WWOX: variants seen among roughly 807,000 people sequenced by gnomAD.
The protein encoded by WWOX is WW domain containing oxidoreductase.
In WWOX, 69 loss-of-function variants were observed where a neutral mutation model predicts 46.2. The observed-to-expected ratio is 1.49, with a 90% CI of 1.23 to 1.82. WWOX has a LOEUF of 1.82. Ranked by LOEUF, WWOX falls within the 40% of genes most tolerant of loss-of-function variation. The pLI is 0.00. For missense variants in WWOX, 919 were observed against 542.6 expected (o/e 1.69, Z -6.89); for synonymous variants, 359 against 202.6 (o/e 1.77, Z -6.56).
intron 6 of WWOX, among the ~76,000 whole-genome samples, chr16:78,394,935 C>G (rs1235255682): frequency 6.6e-6 from 1 of 152,174 alleles, no homozygotes; most frequent in Non-Finnish European, 1.5e-5. Flanking sequence ...TACTGAAAAT[C>G]TCTCAGCGTC....
At chr16:78,845,183 T>TAAA (rs377162463) in intron 8 of WWOX, among the ~76,000 whole-genome samples, 1 of 141,976 alleles carries the variant, frequency 7.0e-6, no homozygotes, top group Non-Finnish European at 1.5e-5. Flanking sequence ...GGACTGGTCT[T>TAAA]AAAAAAAAAA....
At chr16:79,208,977 A>G (rs2051617865) in intron 8 of WWOX, among the ~76,000 whole-genome samples, 1 of 152,206 alleles carries the variant, frequency 6.6e-6, no homozygotes, top group South Asian at 2.1e-4. Context: ...AGAATTTGCC[A>G]AAGGTGGACG....
At chr16:78,607,206 T>C (rs1408328754) in intron 8 of WWOX, among the ~76,000 whole-genome samples, 1 of 152,194 alleles carries the variant, frequency 6.6e-6, no homozygotes, top group Non-Finnish European at 1.5e-5. Flanking sequence ...CATATTTTAT[T>C]ATAAAAACAT....
At chr16:78,977,760 C>A (rs2046602174) in intron 8 of WWOX, among the ~76,000 whole-genome samples, 1 of 151,966 alleles carries the variant, frequency 6.6e-6, no homozygotes, top group Admixed American at 6.6e-5. Flanking sequence ...TGAAGGACCC[C>A]CTTCCTAGGA....
At chr16:78,916,797 C>G (rs925162232) in intron 8 of WWOX, among the ~76,000 whole-genome samples, 1 of 152,190 alleles carries the variant, frequency 6.6e-6, no homozygotes, top group African/African-American at 2.4e-5. Context: ...GTCAGGAAAA[C>G]TGTTTTCAAT....
intron 5 of WWOX, among the ~76,000 whole-genome samples, chr16:78,296,881 G>A (rs1294403015): frequency 6.6e-6 from 1 of 152,170 alleles, no homozygotes; most frequent in Non-Finnish European, 1.5e-5. Context: ...AAGAGTAGCT[G>A]GAGCAGAGAC....
intron 8 of WWOX, among the ~76,000 whole-genome samples, chr16:78,815,864 A>G (rs2051315590): frequency 1.3e-5 from 2 of 152,148 alleles, no homozygotes; most frequent in African/African-American, 2.4e-5. Flanking sequence ...CTGCCCAAAT[A>G]TAAACTTGAG....
chr16:78,876,581 A>C (rs1597094372), intron 8 of WWOX, among the ~76,000 whole-genome samples: 2 of 151,740 alleles, frequency 1.3e-5, no homozygotes, highest in South Asian at 4.2e-4. Flanking sequence ...TTAATTTGTT[A>C]ATGCTTTCGA....
chr16:78,134,979 C>T (rs1274954057), intron 4 of WWOX, among the ~76,000 whole-genome samples: 3 of 152,212 alleles, frequency 2.0e-5, no homozygotes, highest in Non-Finnish European at 2.9e-5. Context: ...ACAGTGAGAA[C>T]GGGAGAGGGC....
rs568350684 is a variant in WWOX at position 78,309,548 on chromosome 16, G to C, written c.517-77312G>C. Among the ~76,000 whole-genome samples, 4 of 152,224 alleles carry C rather than the reference G, an allele frequency of 2.6e-5. No individual in the cohort carries two copies. In the East Asian group the frequency reaches 7.7e-4, roughly 29 times the overall value. On this transcript the variant is annotated intron_variant, in intron 5 of 8. Coordinates refer to ENST00000566780, the MANE Select transcript of WWOX (RefSeq NM_016373.4). Reference sequence around the variant, plus strand: ...ACTCCTTACATATATTGATAGAAGTGTGCCTGTAACTTTTTTCCCCTAAAG... The same window carrying C: ...ACTCCTTACATATATTGATAGAAGTCTGCCTGTAACTTTTTTCCCCTAAAG...
chr16:79,075,355 T>C (rs1203348006), intron 8 of WWOX, among the ~76,000 whole-genome samples: 1 of 152,234 alleles, frequency 6.6e-6, no homozygotes, highest in Non-Finnish European at 1.5e-5. Context: ...AAATCACTTA[T>C]GCTTCCACCA....
At chr16:78,950,315 C>T (rs2046033061) in intron 8 of WWOX, among the ~76,000 whole-genome samples, 2 of 151,970 alleles carry the variant, frequency 1.3e-5, no homozygotes, top group African/African-American at 4.8e-5. Context: ...ATGGTTATTT[C>T]CTTGAGGAGA....
At chr16:78,506,235 G>A (rs1031619364) in intron 8 of WWOX, among the ~76,000 whole-genome samples, 1 of 152,210 alleles carries the variant, frequency 6.6e-6, no homozygotes, top group Non-Finnish European at 1.5e-5. Context: ...TGGACACACA[G>A]GCTGTGTTCT....
At chr16:79,042,012 A>T (rs1002282094) in intron 8 of WWOX, among the ~76,000 whole-genome samples, 1 of 152,006 alleles carries the variant, frequency 6.6e-6, no homozygotes, top group African/African-American at 2.4e-5. Context: ...AAATGTATAT[A>T]CCTTCTATCC....
chr16:78,345,340 G>A (rs1179314354), intron 5 of WWOX, among the ~76,000 whole-genome samples: 1 of 111,380 alleles, frequency 9.0e-6, no homozygotes, highest in African/African-American at 3.0e-5. Flanking sequence ...GTAAAATAAG[G>A]CTAGACATGC....
intron 8 of WWOX, among the ~76,000 whole-genome samples, chr16:78,967,570 G>T (rs2046386975): frequency 6.7e-6 from 1 of 150,212 alleles, no homozygotes; most frequent in Non-Finnish European, 1.5e-5. Flanking sequence ...CTCCCAGAGT[G>T]CTGGGATTAC....
At chr16:78,664,506 C>T (rs2047286046) in intron 8 of WWOX, among the ~76,000 whole-genome samples, 1 of 152,202 alleles carries the variant, frequency 6.6e-6, no homozygotes. Flanking sequence ...TTAGTCCTGT[C>T]CCCTCTCACT....
intron 8 of WWOX, among the ~76,000 whole-genome samples, chr16:78,673,628 T>C (rs1475095259): frequency 6.6e-6 from 1 of 152,182 alleles, no homozygotes; most frequent in Non-Finnish European, 1.5e-5. Flanking sequence ...AAGAAAATAT[T>C]AAGATAAAAA....
At chr16:79,106,582 A>ATTTTTTTTTTTTTTTTTTTTTTTTTTTTT (rs752318131) in intron 8 of WWOX, 1 of 79,512 alleles carries the variant, frequency 1.3e-5, no homozygotes, top group African/African-American at 5.3e-5. Flanking sequence ...TCTTAAAATA[A>ATTTTTTTTTTTTTTTTTTTTTTTTTTTTT]TTTTTTTTTT....
Sources: gnomAD v4.1 joint callset for allele counts (sites outside exome capture counted in the v4.1 genomes callset) on GRCh38, gnomAD v4.1.1 for gene constraint, MANE v1.5 for transcripts, NCBI Gene and HGNC (gene_info 2026-07-23, HGNC 2026-07-21) for gene names.